The following LRCH1 variants were observed in gnomAD, a reference collection of about 807,000 sequenced individuals.
LRCH1 encodes the protein leucine rich repeats and calponin homology domain containing 1, also known as leucine-rich repeat and calponin homology domain-containing protein 1.
A neutral mutation model predicts 94.9 loss-of-function variants in LRCH1; 23 were observed. That is an observed-to-expected ratio of 0.24 (90% confidence interval 0.17 to 0.34). The LOEUF (loss-of-function observed/expected upper bound fraction) is 0.34. Among genes scored for constraint, LRCH1 ranks in the 10% least tolerant of loss-of-function variants. The pLI is 1.00. For missense variants in LRCH1, 790 were observed against 945.9 expected (o/e 0.84, Z 2.16); for synonymous variants, 364 against 354.9 (o/e 1.03, Z -0.29).
chr13:46,600,352 C>T (rs2050613711), intron 1 of LRCH1, among the ~76,000 whole-genome samples: 1 of 152,162 alleles, frequency 6.6e-6, no homozygotes, highest in Non-Finnish European at 1.5e-5. Context: ...GTCGTTTTCT[C>T]AGATGGCTGG....
rs528832928 is a variant in LRCH1 at position 46,698,588 on chromosome 13, C to T, written c.1246-748C>T. Among the ~76,000 whole-genome samples, 8 of 152,248 alleles carry T rather than the reference C, an allele frequency of 5.3e-5. No homozygotes were observed. In the South Asian group the frequency reaches 1.5e-3, roughly 28 times the overall value. The stretch of plus-strand genomic sequence containing the variant: ...CTCTTTTCCCCACTACACACATATG[C>T]GTGCACACTCACACTTAAACACACA... On this transcript the variant is annotated intron_variant, in intron 9 of 19. Coordinates refer to ENST00000389797, the MANE Select transcript of LRCH1 (RefSeq NM_001164211.2).
chr13:46,742,840 T>C lies in LRCH1; in HGVS notation c.*992T>C, dbSNP rs1873737423. On this transcript the variant is annotated 3_prime_UTR_variant, in exon 20 of 20. Coordinates refer to ENST00000389797, the MANE Select transcript of LRCH1 (RefSeq NM_001164211.2). ...GAGTCAAGAAGAAGATTACTTTCAT[T>C]CTAGAAGAATGTAGTTTCTCTAATT... 1 of 985,298 alleles carries C rather than the reference T, an allele frequency of 1.0e-6. No individual in the cohort carries two copies. Among genetic ancestry groups the C allele is most frequent in the Non-Finnish European group, 1.2e-6 (1 of 829,928 alleles). 61.0% of individuals were successfully genotyped at this position (985,298 alleles called of 1,614,324 possible). A position where few individuals can be genotyped will look rare whatever the true frequency, so the allele number is the denominator to read the frequency against.
At chr13:46,681,200 A>G (rs1303312201) in intron 3 of LRCH1, among the ~76,000 whole-genome samples, 1 of 152,250 alleles carries the variant, frequency 6.6e-6, no homozygotes, top group Non-Finnish European at 1.5e-5. Context: ...ATTTTAAATA[A>G]ATAGTGCATC....
intron 3 of LRCH1, among the ~76,000 whole-genome samples, chr13:46,679,578 G>A (rs186189470): frequency 1.8e-3 from 278 of 152,284 alleles, no homozygotes; most frequent in African/African-American, 6.5e-3. Flanking sequence ...TGCTTGTGGA[G>A]TTTGTTTCTG....
intron 1 of LRCH1, among the ~76,000 whole-genome samples, chr13:46,583,830 C>T (rs1281490308): frequency 2.6e-5 from 4 of 151,388 alleles, no homozygotes; most frequent in South Asian, 2.1e-4. Flanking sequence ...GCGCAATCTC[C>T]GCTCACTGCA....
intron 1 of LRCH1, among the ~76,000 whole-genome samples, chr13:46,595,284 C>T (rs912426): frequency 0.82 from 124,226 of 152,154 alleles, 50,883 homozygotes; most frequent in East Asian, 0.91. Context: ...TAGAAGAAAC[C>T]ATACCTTTCC....
At chr13:46,637,755 T>G (rs1224643222) in intron 1 of LRCH1, among the ~76,000 whole-genome samples, 4 of 152,076 alleles carry the variant, frequency 2.6e-5, no homozygotes, top group African/African-American at 9.7e-5. Context: ...CTTACCACCC[T>G]GTAACATGCC....
intron 1 of LRCH1, 23 bp downstream of exon 1, chr13:46,553,726 G>A (rs1439603801): frequency 3.1e-6 from 5 of 1,603,780 alleles, no homozygotes; most frequent in Non-Finnish European, 3.4e-6. Context: ...CGAGGGGCGG[G>A]CAGGGGTGTG....
At chr13:46,733,893 T>A in intron 18 of LRCH1, 28 bp from the exon 19 acceptor site, 2 of 1,392,518 alleles carry the variant, frequency 1.4e-6, no homozygotes, top group South Asian at 2.5e-5. Flanking sequence ...TTAAATAATA[T>A]ATTATTTCCG....
chr13:46,626,416 G>A (rs2050950557), intron 1 of LRCH1, among the ~76,000 whole-genome samples: 1 of 152,138 alleles, frequency 6.6e-6, no homozygotes, highest in African/African-American at 2.4e-5. Flanking sequence ...ATTGTGATTT[G>A]TTTCTGCCCC....
At chr13:46,683,417 TATTG>T (rs1161258446) in intron 4 of LRCH1, among the ~76,000 whole-genome samples, 1 of 152,166 alleles carries the variant, frequency 6.6e-6, no homozygotes, top group African/African-American at 2.4e-5. Flanking sequence ...GGTTGAAAAA[TATTG>T]ATTGATTTTT....
chr13:46,665,572 G>T (rs1371881982), intron 2 of LRCH1, among the ~76,000 whole-genome samples: 1 of 152,122 alleles, frequency 6.6e-6, no homozygotes, highest in East Asian at 1.9e-4. Context: ...CAATAATATG[G>T]ATCTGGTAAA....
At chr13:46,576,945 C>T (rs554695957) in intron 1 of LRCH1, among the ~76,000 whole-genome samples, 14 of 152,274 alleles carry the variant, frequency 9.2e-5, no homozygotes, top group Middle Eastern at 3.4e-3. Flanking sequence ...TGGGGCTTCT[C>T]TCATCTGAAG....
At position 46,705,130 on chromosome 13, in the gene LRCH1, C is replaced by A; in HGVS notation, c.1463C>A (p.Ala488Asp). The A allele has an allele frequency of 6.2e-7, 1 of 1,609,446 alleles. No homozygotes were observed. Among genetic ancestry groups the A allele is most frequent in the Non-Finnish European group, 8.5e-7 (1 of 1,177,878 alleles). ...LNLYPMGSAE[A>D]LELQDSALNG... ...CTATATCCTATGGGATCAGCAGAAG[C>A]CTTAGAATTACAAGATTCTGCACTG... Residue 488 changes from alanine (A) to aspartate (D), a missense_variant, in exon 12 of 20, where the codon GCC (alanine) becomes GAC (aspartate). This residue lies in a region of LRCH1 where 460 missense variants were observed against 508.9 expected (regional missense o/e 0.90). Coordinates refer to ENST00000389797, the MANE Select transcript of LRCH1 (RefSeq NM_001164211.2).
chr13:46,665,778 A>C (rs1330830704), intron 2 of LRCH1, among the ~76,000 whole-genome samples: 2 of 152,194 alleles, frequency 1.3e-5, no homozygotes, highest in East Asian at 3.8e-4. Flanking sequence ...TATAGCACCA[A>C]GGCTGCAGAA....
downstream of LRCH1, among the ~76,000 whole-genome samples, chr13:46,748,807 G>A (rs1017570981): frequency 2.6e-5 from 4 of 152,168 alleles, no homozygotes; most frequent in Non-Finnish European, 5.9e-5. Context: ...TTAAAGAATC[G>A]ACTGTCTTCT....
At chr13:46,741,527 T>C (rs1461670859) in intron 19 of LRCH1, 115 bp from the exon 20 acceptor site, 15 of 1,191,218 alleles carry the variant, frequency 1.3e-5, no homozygotes, top group Non-Finnish European at 1.9e-5. Context: ...AAATAAGGGG[T>C]TACTCCTGCC....
intron 19 of LRCH1, among the ~76,000 whole-genome samples, chr13:46,739,617 G>T (rs887260304): frequency 6.6e-6 from 1 of 152,192 alleles, no homozygotes; most frequent in Non-Finnish European, 1.5e-5. Flanking sequence ...TGTTGGCTAT[G>T]TGACATAGGG....
intron 13 of LRCH1, among the ~76,000 whole-genome samples, chr13:46,709,921 A>G (rs936198096): frequency 3.2e-4 from 48 of 152,212 alleles, no homozygotes; most frequent in Non-Finnish European, 1.3e-4. Context: ...GGCCAGTGAT[A>G]AGGATTATGG....
Sources: gnomAD v4.1 joint callset for allele counts (sites outside exome capture counted in the v4.1 genomes callset) on GRCh38, gnomAD v4.1.1 for gene constraint, gnomAD v4.1.1 regional missense constraint, MANE v1.5 for transcripts, NCBI Gene and HGNC (gene_info 2026-07-23, HGNC 2026-07-21) for gene names.